The following SCRG1 variants were observed in gnomAD, a reference collection of about 807,000 sequenced individuals.
The protein encoded by SCRG1 is scrapie-responsive protein 1.
SCRG1 carries 3 observed loss-of-function variants against 7.7 expected under a neutral mutation model. That is an observed-to-expected ratio of 0.39 (90% confidence interval 0.18 to 1.01). SCRG1 has a LOEUF of 1.01. Among genes scored for constraint, SCRG1 ranks in the 50% least tolerant of loss-of-function variants. The pLI, the probability that SCRG1 is intolerant of heterozygous loss-of-function variation, is 0.36. For synonymous variants in SCRG1, 46 were observed against 41.2 expected (o/e 1.12, Z -0.44); for missense variants, 110 against 117.2 (o/e 0.94, Z 0.28).
chr4:173,473,607 A>G, the SCRG1 span, among the ~76,000 whole-genome samples: 1 of 151,980 alleles, frequency 6.6e-6, no homozygotes, highest in Non-Finnish European at 1.5e-5. Flanking sequence ...GAGCTTTGTG[A>G]AAGAAGGGAA....
upstream of SCRG1, among the ~76,000 whole-genome samples, chr4:173,401,290 G>GGCT (rs1739755683): frequency 6.6e-6 from 1 of 152,222 alleles, no homozygotes; most frequent in African/African-American, 2.4e-5. Context: ...ACTAAATAAA[G>GGCT]ATGATGCCAT....
intron 1 of SCRG1, among the ~76,000 whole-genome samples, chr4:173,391,638 G>A (rs187128317): frequency 2.6e-5 from 4 of 151,648 alleles, no homozygotes; most frequent in Admixed American, 2.0e-4. Context: ...AATCAAATGC[G>A]CAGGCTTCTG....
chr4:173,484,339 ATAT>A, the SCRG1 span, among the ~76,000 whole-genome samples: 3 of 47,358 alleles, frequency 6.3e-5, no homozygotes, highest in East Asian at 8.4e-4. Context: ...TATATTTAAC[ATAT>A]TATATAATAT....
At chr4:173,495,356 T>C in the SCRG1 span, among the ~76,000 whole-genome samples, 1 of 152,230 alleles carries the variant, frequency 6.6e-6, no homozygotes, top group African/African-American at 2.4e-5. Context: ...CTTGGACCAG[T>C]TGTCAAAAAG....
chr4:173,414,472 T>C, the SCRG1 span, among the ~76,000 whole-genome samples: 3 of 152,196 alleles, frequency 2.0e-5, no homozygotes, highest in African/African-American at 7.2e-5. Flanking sequence ...TTCACCCTGA[T>C]GGGGTGAGTC....
chr4:173,438,913 G>A, the SCRG1 span, among the ~76,000 whole-genome samples: 1 of 151,924 alleles, frequency 6.6e-6, no homozygotes, highest in Admixed American at 6.6e-5. Context: ...ACCAAACTGG[G>A]TTCCTCTTCT....
At chr4:173,394,628 G>C (rs991214419) in intron 1 of SCRG1, among the ~76,000 whole-genome samples, 1 of 151,278 alleles carries the variant, frequency 6.6e-6, no homozygotes, top group Non-Finnish European at 1.5e-5. Context: ...CTGGGTGACA[G>C]AGAGAGACTC....
intron 1 of SCRG1, among the ~76,000 whole-genome samples, chr4:173,394,877 T>C (rs1442856213): frequency 6.6e-6 from 1 of 152,238 alleles, no homozygotes; most frequent in Non-Finnish European, 1.5e-5. Context: ...ACCACCATTT[T>C]AGTAATATAG....
chr4:173,450,280 C>G, the SCRG1 span, among the ~76,000 whole-genome samples: 1 of 152,198 alleles, frequency 6.6e-6, no homozygotes, highest in Non-Finnish European at 1.5e-5. Flanking sequence ...TCATCTCCCA[C>G]CAGGTCTTTC....
the SCRG1 span, chr4:173,419,924 G>A: frequency 5.1e-6 from 4 of 791,936 alleles, no homozygotes; most frequent in Non-Finnish European, 8.8e-6. Flanking sequence ...ACCATATTTT[G>A]TGCAGACTAT....
At chr4:173,469,140 A>G in the SCRG1 span, 1 of 152,194 alleles carries the variant, frequency 6.6e-6, no homozygotes, top group Non-Finnish European at 1.5e-5. Flanking sequence ...GAATTTAAAA[A>G]TTGGATACTC....
At chr4:173,406,053 G>A (rs1263218900) in intron 1 of SCRG1, among the ~76,000 whole-genome samples, 1 of 152,174 alleles carries the variant, frequency 6.6e-6, no homozygotes, top group Non-Finnish European at 1.5e-5. Context: ...ATGCATAACT[G>A]TCTGTATCTA....
chr4:173,454,066 A>G, the SCRG1 span, among the ~76,000 whole-genome samples: 12 of 136,104 alleles, frequency 8.8e-5, no homozygotes, highest in Admixed American at 9.6e-4. Flanking sequence ...TGACAGAACG[A>G]GACTCCGTCT....
At chr4:173,450,361 A>G in the SCRG1 span, among the ~76,000 whole-genome samples, 5 of 152,124 alleles carry the variant, frequency 3.3e-5, no homozygotes, top group Non-Finnish European at 7.4e-5. Flanking sequence ...CCTGTACTCC[A>G]GATATTTTTT....
the SCRG1 span, among the ~76,000 whole-genome samples, chr4:173,471,991 G>A: frequency 6.6e-6 from 1 of 152,162 alleles, no homozygotes; most frequent in Non-Finnish European, 1.5e-5. Context: ...TTACAGGCGT[G>A]AGCCACCGTG....
chr4:173,409,010 A>AAAAAAAAAAAAAAAAAAAAAAG (rs1739982954), upstream of SCRG1, among the ~76,000 whole-genome samples: 1 of 146,308 alleles, frequency 6.8e-6, no homozygotes, highest in African/African-American at 2.6e-5. Flanking sequence ...AAAAAAAAAA[A>AAAAAAAAAAAAAAAAAAAAAAG]AAAAGAAAAG....
At chr4:173,466,983 A>C in the SCRG1 span, among the ~76,000 whole-genome samples, 1 of 152,088 alleles carries the variant, frequency 6.6e-6, no homozygotes, top group Non-Finnish European at 1.5e-5. Context: ...CTAGTTTCTG[A>C]ATGTTATTAG....
At chr4:173,471,772 C>T in the SCRG1 span, among the ~76,000 whole-genome samples, 6 of 152,160 alleles carry the variant, frequency 3.9e-5, no homozygotes, top group African/African-American at 7.2e-5. Flanking sequence ...TGCAATGGCG[C>T]GATCTCAGCT....
the SCRG1 span, among the ~76,000 whole-genome samples, chr4:173,478,182 C>T: frequency 6.6e-6 from 1 of 152,222 alleles, no homozygotes; most frequent in South Asian, 2.1e-4. Context: ...CTGCTGATCT[C>T]AATGTACTAT....
Sources: allele counts gnomAD v4.1 joint callset (sites outside exome capture counted in the v4.1 genomes callset), GRCh38; gene constraint gnomAD v4.1.1; transcripts MANE v1.5; gene names NCBI Gene and HGNC (gene_info 2026-07-23, HGNC 2026-07-21).